IQGAP2: variants seen among roughly 807,000 people sequenced by gnomAD.
IQGAP2 encodes the protein ras GTPase-activating-like protein IQGAP2.
IQGAP2 carries 173 observed loss-of-function variants against 201.3 expected under a neutral mutation model. That is an observed-to-expected ratio of 0.86 (90% CI 0.76 to 0.98). The LOEUF is 0.98. IQGAP2 is among the 50% of genes least tolerant of loss of function. IQGAP2 has a pLI of 0.00. For missense variants in IQGAP2, 1,687 were observed against 1,864.8 expected, an observed-to-expected ratio of 0.90 and a Z score of 1.76; for synonymous variants, 675 against 673.9, an observed-to-expected ratio of 1.00 and a Z score of -0.03.
intron 17 of IQGAP2, among the ~76,000 whole-genome samples, chr5:76,650,718 G>A (rs457205): frequency 0.51 from 76,867 of 151,910 alleles, 19,800 homozygotes; most frequent in Non-Finnish European, 0.56. Flanking sequence ...GGTTTGCTGC[G>A]CCCACTAACT....
chr5:76,547,860 T>C (rs965768815), intron 2 of IQGAP2, among the ~76,000 whole-genome samples: 3 of 152,182 alleles, frequency 2.0e-5, no homozygotes, highest in African/African-American at 4.8e-5. Context: ...CAAGGCCCTT[T>C]GGTCAGCTTA....
At chr5:76,667,277 T>A (rs1223408562) in intron 22 of IQGAP2, among the ~76,000 whole-genome samples, 1 of 152,226 alleles carries the variant, frequency 6.6e-6, no homozygotes, top group Non-Finnish European at 1.5e-5. Context: ...GCTGCTTATT[T>A]ATAAAATTTC....
At chr5:76,571,336 A>C (rs1745102218) in intron 4 of IQGAP2, among the ~76,000 whole-genome samples, 1 of 151,932 alleles carries the variant, frequency 6.6e-6, no homozygotes, top group South Asian at 2.1e-4. Context: ...CCCCATGCCC[A>C]GCTAATTTTT....
At position 76,592,915 on chromosome 5, in the gene IQGAP2, T is replaced by C; in HGVS notation, c.897T>C (p.Asn299=). 1 of 1,600,886 alleles carries C rather than the reference T, an allele frequency of 6.2e-7. No homozygotes were observed. The highest frequency in any genetic ancestry group is 8.6e-7 in the Non-Finnish European group (1 of 1,168,074). Residue 299 remains asparagine, a synonymous_variant, in exon 9 of 36, where the codon AAT becomes AAC. Transcript: ENST00000274364. ...LTQAEIQGNI[N]KVNRQAAVDH... is the part of the protein sequence containing the mutation. ...AAGCAGAAATCCAAGGCAATATTAA[T>C]AAAGTCAACAGTAAGTAATGGATCG... is the stretch of plus-strand genomic sequence containing the variant.
At chr5:76,639,473 G>T (rs537217396) in intron 16 of IQGAP2, among the ~76,000 whole-genome samples, 1 of 152,104 alleles carries the variant, frequency 6.6e-6, no homozygotes, top group Non-Finnish European at 1.5e-5. Flanking sequence ...ACTCTTGAAG[G>T]AATATTCACC....
intron 30 of IQGAP2, among the ~76,000 whole-genome samples, chr5:76,685,516 A>G (rs556409176): frequency 1.3e-4 from 20 of 152,352 alleles, no homozygotes; most frequent in African/African-American, 4.8e-4. Context: ...ATATATATTT[A>G]TACTTATTCC....
chr5:76,506,981 T>C (rs1325458269), intron 2 of IQGAP2, among the ~76,000 whole-genome samples: 1 of 152,144 alleles, frequency 6.6e-6, no homozygotes, highest in Non-Finnish European at 1.5e-5. Flanking sequence ...CCAATCAAAA[T>C]CCCAGCAAAT....
chr5:76,620,152 G>A lies in IQGAP2; in HGVS notation c.1522-7258G>A, dbSNP rs548067939. Among the ~76,000 whole-genome samples the A allele has an allele frequency of 1.4e-4, 21 of 152,282 alleles. 1 individual carries two copies. In the South Asian group the frequency reaches 4.4e-3, roughly 32 times the overall value. On this transcript the variant is annotated intron_variant, in intron 13 of 35. Transcript: ENST00000274364. ...TAATGATTTGATATAGCAGCAGTAGGAAACGAATATAGCCGTTATTTTGAC... is the reference window on the plus strand; with the variant it reads ...TAATGATTTGATATAGCAGCAGTAGAAAACGAATATAGCCGTTATTTTGAC...
chr5:76,456,060 GA>G (rs1754066705), intron 1 of IQGAP2, among the ~76,000 whole-genome samples: 1 of 152,166 alleles, frequency 6.6e-6, no homozygotes, highest in Admixed American at 6.5e-5. Context: ...AACTTCGTAG[GA>G]CTAAACTTGG....
chr5:76,543,532 G>A (rs1396304092), intron 2 of IQGAP2, among the ~76,000 whole-genome samples: 2 of 152,208 alleles, frequency 1.3e-5, no homozygotes, highest in Non-Finnish European at 2.9e-5. Flanking sequence ...AGGAGATGGA[G>A]CTGGGAACCT....
At chr5:76,438,035 G>GTTTTTTTTTTTTTTTTTTTTTTT (rs71604291) in intron 1 of IQGAP2, among the ~76,000 whole-genome samples, 2 of 68,600 alleles carry the variant, frequency 2.9e-5, no homozygotes, top group Non-Finnish European at 5.3e-5. Context: ...TTTTTTGTTT[G>GTTTTTTTTTTTTTTTTTTTTTTT]TTTTTTTTTT....
Position 76,452,195 on chromosome 5 carries a change from G to A in IQGAP2, c.47-9375G>A, listed in dbSNP as rs181977730. On this transcript the variant is annotated intron_variant, in intron 1 of 35. Transcript: ENST00000274364. ...CTACCCGAGTGCTGGGATTATAGGC[G>A]TGAGCCACCACGCCCAGCCCTTGTT... Among the ~76,000 whole-genome samples, 151 of 146,698 alleles carry A rather than the reference G, an allele frequency of 1.0e-3. 2 individuals carry two copies. Among genetic ancestry groups the A allele is most frequent in the Non-Finnish European group, 1.6e-3 (107 of 66,980 alleles).
chr5:76,573,853 A>T (rs939056187), intron 4 of IQGAP2, among the ~76,000 whole-genome samples: 3 of 147,670 alleles, frequency 2.0e-5, no homozygotes, highest in African/African-American at 7.5e-5. Context: ...TGAACTCCTG[A>T]CCTCACGTGA....
chr5:76,414,355 AG>A (rs1453455672), intron 1 of IQGAP2, among the ~76,000 whole-genome samples: 1 of 152,044 alleles, frequency 6.6e-6, no homozygotes, highest in East Asian at 1.9e-4. Context: ...GTGCTTCCTC[AG>A]GTAAGATCTA....
At chr5:76,486,797 G>A (rs969036570) in intron 2 of IQGAP2, among the ~76,000 whole-genome samples, 7 of 151,968 alleles carry the variant, frequency 4.6e-5, no homozygotes, top group African/African-American at 1.7e-4. Flanking sequence ...TGTTTTGTTT[G>A]ACACTGTAGC....
intron 13 of IQGAP2, among the ~76,000 whole-genome samples, chr5:76,611,759 CT>C (rs961612426): frequency 1.2e-4 from 18 of 152,170 alleles, no homozygotes; most frequent in African/African-American, 4.1e-4. Flanking sequence ...AGACTAGTGG[CT>C]TTTTCTGAGT....
At chr5:76,688,929 C>T (rs1287835556) in intron 30 of IQGAP2, among the ~76,000 whole-genome samples, 1 of 152,082 alleles carries the variant, frequency 6.6e-6, no homozygotes, top group Admixed American at 6.6e-5. Context: ...TTCAAACCCA[C>T]ATGATTTGAA....
At chr5:76,603,346 T>C (rs1747563994) in intron 11 of IQGAP2, among the ~76,000 whole-genome samples, 1 of 152,252 alleles carries the variant, frequency 6.6e-6, no homozygotes, top group East Asian at 1.9e-4. Context: ...GGTAGCATGA[T>C]GTGGTTAAAG....
chr5:76,672,064 T>C (rs186314778), intron 24 of IQGAP2, 81 bp downstream of exon 24: 473 of 1,071,116 alleles, frequency 4.4e-4, no homozygotes, highest in Admixed American at 7.8e-4. Context: ...CTCTTAAACT[T>C]TGTTAGGCGA....
Sources: gnomAD v4.1 joint callset for allele counts (sites outside exome capture counted in the v4.1 genomes callset) on GRCh38, gnomAD v4.1.1 for gene constraint, MANE v1.5 for transcripts, NCBI Gene and HGNC (gene_info 2026-07-23, HGNC 2026-07-21) for gene names.